GLIS3: variants seen among roughly 807,000 people sequenced by gnomAD.
The protein encoded by GLIS3 is GLIS family zinc finger 3.
GLIS3 carries 53 observed loss-of-function variants against 78.6 expected under a neutral mutation model. The observed-to-expected ratio is 0.67, with a 90% CI of 0.54 to 0.85. The LOEUF is 0.85. Among genes scored for constraint, GLIS3 ranks in the 40% least tolerant of loss-of-function variants. The pLI, the probability that GLIS3 is intolerant of heterozygous loss-of-function variation, is 0.00. For missense variants in GLIS3, 1,703 were observed against 1,231.1 expected (o/e 1.38, Z -5.74); for synonymous variants, 684 against 509.9 (o/e 1.34, Z -4.60).
chr9:4,396,079 C>T, the GLIS3 span, among the ~76,000 whole-genome samples: 2 of 151,286 alleles, frequency 1.3e-5, no homozygotes, highest in Admixed American at 6.6e-5. Flanking sequence ...GCCTGGTCAC[C>T]ATTTTCTATT....
chr9:4,216,633 G>A (rs1299290899), intron 2 of GLIS3, among the ~76,000 whole-genome samples: 1 of 152,112 alleles, frequency 6.6e-6, no homozygotes, highest in Admixed American at 6.5e-5. Context: ...TGAGTTCATG[G>A]TGATGCATAC....
At chr9:4,225,723 G>T (rs1821712420) in intron 2 of GLIS3, among the ~76,000 whole-genome samples, 1 of 152,200 alleles carries the variant, frequency 6.6e-6, no homozygotes, top group African/African-American at 2.4e-5. Context: ...CCAAGTCATT[G>T]ACATTGCTAA....
chr9:4,025,586 C>A (rs1823264902), intron 4 of GLIS3, among the ~76,000 whole-genome samples: 1 of 152,070 alleles, frequency 6.6e-6, no homozygotes, highest in Non-Finnish European at 1.5e-5. Flanking sequence ...CGGGGTTTCA[C>A]CATGTTTGCC....
At chr9:4,378,200 G>A in the GLIS3 span, among the ~76,000 whole-genome samples, 1 of 152,124 alleles carries the variant, frequency 6.6e-6, no homozygotes, top group South Asian at 2.1e-4. Context: ...CTATGTGCCA[G>A]ATACTATATA....
the GLIS3 span, among the ~76,000 whole-genome samples, chr9:4,463,302 T>A: frequency 2.0e-5 from 3 of 152,218 alleles, no homozygotes; most frequent in Non-Finnish European, 2.9e-5. Flanking sequence ...AGAAAGGAAT[T>A]AAGCTGATAG....
At chr9:3,830,114 C>A (rs966030856) in intron 9 of GLIS3, among the ~76,000 whole-genome samples, 5 of 152,108 alleles carry the variant, frequency 3.3e-5, no homozygotes, top group Non-Finnish European at 7.4e-5. Flanking sequence ...GAAAATACAA[C>A]ACAAAACTCC....
At chr9:3,856,422 C>G (rs1819795806) in intron 8 of GLIS3, among the ~76,000 whole-genome samples, 1 of 152,196 alleles carries the variant, frequency 6.6e-6, no homozygotes, top group African/African-American at 2.4e-5. Flanking sequence ...AAGGGAAAAC[C>G]TACTCACAGT....
intron 2 of GLIS3, among the ~76,000 whole-genome samples, chr9:4,226,790 G>C (rs531222376): frequency 6.6e-6 from 1 of 152,294 alleles, no homozygotes; most frequent in African/African-American, 2.4e-5. Context: ...CATAAGAGCT[G>C]TTGGTGAGGA....
At chr9:4,099,275 G>C (rs889595257) in intron 4 of GLIS3, among the ~76,000 whole-genome samples, 5 of 152,198 alleles carry the variant, frequency 3.3e-5, no homozygotes, top group Admixed American at 2.0e-4. Context: ...GAGGCTCAAA[G>C]TCTGAAATCA....
chr9:4,182,912 T>C (rs763999412), intron 2 of GLIS3, among the ~76,000 whole-genome samples: 6 of 152,282 alleles, frequency 3.9e-5, no homozygotes, highest in South Asian at 4.2e-4. Context: ...AATAAGGGAA[T>C]TGAGAAGCAG....
intron 2 of GLIS3, among the ~76,000 whole-genome samples, chr9:4,192,808 TAAAA>T (rs60636471): frequency 1.4e-5 from 2 of 142,438 alleles, no homozygotes; most frequent in South Asian, 2.2e-4. Context: ...ATACAATATT[TAAAA>T]AAAAAAAAAG....
chr9:4,276,945 T>C (rs1190859517), intron 2 of GLIS3, among the ~76,000 whole-genome samples: 1 of 152,180 alleles, frequency 6.6e-6, no homozygotes, highest in African/African-American at 2.4e-5. Flanking sequence ...GAAACTTTTA[T>C]GGAATATTAA....
chr9:4,170,878 C>T (rs1816317230), intron 2 of GLIS3, among the ~76,000 whole-genome samples: 1 of 152,068 alleles, frequency 6.6e-6, no homozygotes, highest in South Asian at 2.1e-4. Flanking sequence ...ACTGGGGATC[C>T]TACCTAGAGA....
At chr9:4,380,669 G>A in the GLIS3 span, among the ~76,000 whole-genome samples, 1 of 152,204 alleles carries the variant, frequency 6.6e-6, no homozygotes, top group Non-Finnish European at 1.5e-5. Context: ...TCAGAGGCAA[G>A]TAGTTCTTTG....
At chr9:4,375,752 T>A in the GLIS3 span, among the ~76,000 whole-genome samples, 2 of 152,222 alleles carry the variant, frequency 1.3e-5, no homozygotes, top group Non-Finnish European at 2.9e-5. Context: ...TGCCAACCAA[T>A]AACAGTCAGT....
chr9:4,143,117 G>A (rs1833932388), intron 2 of GLIS3, among the ~76,000 whole-genome samples: 2 of 152,046 alleles, frequency 1.3e-5, no homozygotes, highest in South Asian at 4.1e-4. Context: ...CAGAAACTGT[G>A]TAAATGTAAG....
At chr9:4,047,701 G>C (rs909859322) in intron 4 of GLIS3, among the ~76,000 whole-genome samples, 21 of 152,162 alleles carry the variant, frequency 1.4e-4, no homozygotes, top group African/African-American at 5.1e-4. Flanking sequence ...TATGAAAAGA[G>C]GTGGGAGTCG....
chr9:4,196,393 C>T (rs1380854231), intron 2 of GLIS3, among the ~76,000 whole-genome samples: 3 of 152,216 alleles, frequency 2.0e-5, no homozygotes, highest in African/African-American at 4.8e-5. Context: ...TGGCAACCGG[C>T]TCAGGTCCCT....
the GLIS3 span, among the ~76,000 whole-genome samples, chr9:4,421,575 G>C: frequency 6.6e-6 from 1 of 152,346 alleles, no homozygotes; most frequent in African/African-American, 2.4e-5. Flanking sequence ...GATTTCACCA[G>C]AATAAAAAGG....
Sources: gnomAD v4.1 joint callset for allele counts (sites outside exome capture counted in the v4.1 genomes callset) on GRCh38, gnomAD v4.1.1 for gene constraint, MANE v1.5 for transcripts, NCBI Gene and HGNC (gene_info 2026-07-23, HGNC 2026-07-21) for gene names.